CDH1: variants seen among roughly 807,000 people sequenced by gnomAD.
The protein encoded by CDH1 is cadherin-1.
CDH1 carries 35 observed loss-of-function variants against 84.5 expected under a neutral mutation model. The observed-to-expected ratio is 0.41, with a 90% CI of 0.32 to 0.55. CDH1 has a LOEUF of 0.55. CDH1 is among the 20% of genes least tolerant of loss of function. The probability of loss-of-function intolerance (pLI) is 0.19; values close to 1 mark genes in which losing one functional copy is unlikely to be tolerated. For missense variants in CDH1, 994 were observed against 1,126.6 expected (o/e 0.88, Z 1.68); for synonymous variants, 417 against 439.0 (o/e 0.95, Z 0.63).
chr16:68,828,727 G>A (rs1375744498), intron 14 of CDH1, among the ~76,000 whole-genome samples: 1 of 152,148 alleles, frequency 6.6e-6, no homozygotes, highest in East Asian at 1.9e-4. Flanking sequence ...CTCCTTTTCT[G>A]TCATGGTTAT....
intron 2 of CDH1, among the ~76,000 whole-genome samples, chr16:68,792,315 C>T (rs1231473270): frequency 1.3e-5 from 2 of 151,750 alleles, no homozygotes; most frequent in African/African-American, 2.4e-5. Context: ...CTGCAACCTC[C>T]GCCTCCCAGG....
chr16:68,740,005 G>T (rs987359316), intron 2 of CDH1, among the ~76,000 whole-genome samples: 3 of 152,174 alleles, frequency 2.0e-5, no homozygotes, highest in African/African-American at 7.2e-5. Context: ...CCTTATCGTT[G>T]TGACAATCTA....
At chr16:68,821,721 C>T (rs537098575) in intron 11 of CDH1, among the ~76,000 whole-genome samples, 4 of 152,054 alleles carry the variant, frequency 2.6e-5, no homozygotes, top group South Asian at 2.1e-4. Context: ...GAATGAATAA[C>T]GATATGTGAA....
intron 9 of CDH1, 57 bp from the exon 10 acceptor site, chr16:68,815,446 ATTTAATTTTATT>A: frequency 6.3e-7 from 1 of 1,599,200 alleles, no homozygotes. Context: ...ACAGTTAAGG[ATTTAATTTTATT>A]TTTACTAACA....
intron 13 of CDH1, among the ~76,000 whole-genome samples, chr16:68,825,828 T>TA (rs760147327): frequency 0.021 from 3,088 of 143,846 alleles, 56 homozygotes; most frequent in East Asian, 0.053. Context: ...TTTTTTTTTT[T>TA]AGGCAAGTTC....
In CDH1 at chr16:68,819,398, A is replaced by T. The variant is rs587782061; in HGVS notation, c.1684A>T (p.Thr562Ser). Residue 562 changes from threonine (T) to serine (S), a missense_variant, in exon 11 of 16, where the codon ACA becomes TCA. Thr to Ser is a moderately conservative substitution (Grantham distance 58). Coordinates refer to ENST00000261769, the MANE Select transcript of CDH1 (RefSeq NM_004360.5). ...TGAGCACGTGAAGAACAGCACGTAC[A>T]CAGCCCTAATCATAGCTACAGACAA... ...DFEHVKNSTYTALIIATDNGS... is the reference protein window; with the variant it reads ...DFEHVKNSTYSALIIATDNGS... 2.5e-6 allele frequency: 4 copies of T among 1,613,816 alleles called. No individual in the cohort carries two copies. The highest frequency in any genetic ancestry group is 2.2e-5 in the South Asian group (2 of 91,050).
At chr16:68,749,946 T>G (rs1962845555) in intron 2 of CDH1, among the ~76,000 whole-genome samples, 1 of 151,286 alleles carries the variant, frequency 6.6e-6, no homozygotes, top group South Asian at 2.1e-4. Context: ...TGTACCTTTT[T>G]CATCTCACTT....
chr16:68,791,605 A>G (rs548029715), intron 2 of CDH1, among the ~76,000 whole-genome samples: 2 of 152,058 alleles, frequency 1.3e-5, no homozygotes, highest in Non-Finnish European at 2.9e-5. Context: ...AATTTTTTGT[A>G]GAGTTGGGGT....
chr16:68,813,707 A>G lies in CDH1; in HGVS notation c.1320+212A>G, dbSNP rs898868533. The G allele has an allele frequency of 1.7e-4, 119 of 692,932 alleles. No individual in the cohort carries two copies. The African/African-American group carries it at 1.8e-3, about 11-fold the overall frequency. The allele number at this position is 692,932 out of a possible 1,614,324, so 42.9% of individuals were successfully genotyped here. A position where few individuals can be genotyped will look rare whatever the true frequency, so the allele number is the denominator to read the frequency against. On this transcript the variant is annotated intron_variant, in intron 9 of 15. Coordinates refer to ENST00000261769, the MANE Select transcript of CDH1 (RefSeq NM_004360.5). ...GCTGTGTGTGGTGGCTCACGCCTGTAATCCCAGCACTTAGGGACGCTGAGG... is the reference window on the plus strand; with the variant it reads ...GCTGTGTGTGGTGGCTCACGCCTGTGATCCCAGCACTTAGGGACGCTGAGG...
At chr16:68,770,285 G>C (rs1215594808) in intron 2 of CDH1, among the ~76,000 whole-genome samples, 1 of 152,074 alleles carries the variant, frequency 6.6e-6, no homozygotes, top group Non-Finnish European at 1.5e-5. Flanking sequence ...CGCCTGGCTA[G>C]ACCCCCTCTG....
Position 68,833,655 on chromosome 16 carries a change from C to T in CDH1, c.*156C>T. Reference sequence around the variant, plus strand: ...TTAGTATAGCTTTATACTCTCTCCACTTTATAGCTCTAATAAGTTTGTGTT... The same window carrying T: ...TTAGTATAGCTTTATACTCTCTCCATTTTATAGCTCTAATAAGTTTGTGTT... On this transcript the variant is annotated 3_prime_UTR_variant, in exon 16 of 16. Coordinates refer to ENST00000261769, the MANE Select transcript of CDH1 (RefSeq NM_004360.5). The T allele has an allele frequency of 1.5e-6, 1 of 649,240 alleles. No individual in the cohort carries two copies. Among genetic ancestry groups the T allele is most frequent in the Non-Finnish European group, 2.7e-6 (1 of 366,012 alleles). The allele number at this position is 649,240 out of a possible 1,614,324, so 40.2% of individuals were successfully genotyped here.
chr16:68,759,174 G>A (rs559723983), intron 2 of CDH1, among the ~76,000 whole-genome samples: 126 of 151,820 alleles, frequency 8.3e-4, no homozygotes, highest in African/African-American at 2.6e-3. Flanking sequence ...TCCTCGGCTC[G>A]GGCAATCCTC....
intron 13 of CDH1, among the ~76,000 whole-genome samples, chr16:68,825,826 T>TTTC (rs1961307254): frequency 6.8e-6 from 1 of 147,386 alleles, no homozygotes; most frequent in South Asian, 2.3e-4. Flanking sequence ...TTTTTTTTTT[T>TTTC]TTAGGCAAGT....
chr16:68,795,939 G>A (rs1053440498), intron 2 of CDH1, among the ~76,000 whole-genome samples: 2 of 151,816 alleles, frequency 1.3e-5, no homozygotes, highest in Non-Finnish European at 2.9e-5. Context: ...CAAGGCAGGC[G>A]GATCACAAGG....
At chr16:68,743,356 T>C (rs1962631834) in intron 2 of CDH1, among the ~76,000 whole-genome samples, 1 of 41,228 alleles carries the variant, frequency 2.4e-5, no homozygotes, top group South Asian at 9.4e-4. Context: ...TCTTTCTTTC[T>C]TTCTTTCTTT....
At chr16:68,795,426 G>A (rs867464737) in intron 2 of CDH1, among the ~76,000 whole-genome samples, 1 of 152,132 alleles carries the variant, frequency 6.6e-6, no homozygotes, top group Non-Finnish European at 1.5e-5. Flanking sequence ...CTCCTGCCTT[G>A]GCTTCGCAAA....
intron 11 of CDH1, among the ~76,000 whole-genome samples, chr16:68,820,483 T>C (rs1961111684): frequency 6.6e-6 from 1 of 151,820 alleles, no homozygotes; most frequent in Admixed American, 6.6e-5. Context: ...CCCAAGTAGC[T>C]GGGATTACAG....
intron 2 of CDH1, among the ~76,000 whole-genome samples, chr16:68,760,189 T>C (rs1386669819): frequency 2.0e-5 from 3 of 146,654 alleles, no homozygotes; most frequent in African/African-American, 7.5e-5. Flanking sequence ...AAGCTCTGCC[T>C]CCCGGGTTCA....
intron 2 of CDH1, among the ~76,000 whole-genome samples, chr16:68,790,893 A>C (rs1251201556): frequency 6.6e-6 from 1 of 152,142 alleles, no homozygotes. Context: ...CAATGGGCAC[A>C]CTGGCTGTTG....
Sources: allele counts gnomAD v4.1 joint callset (sites outside exome capture counted in the v4.1 genomes callset), GRCh38; gene constraint gnomAD v4.1.1; transcripts MANE v1.5; gene names NCBI Gene and HGNC (gene_info 2026-07-23, HGNC 2026-07-21).